The following CDH12 variants were observed in gnomAD, a reference collection of about 807,000 sequenced individuals.
CDH12 encodes the protein cadherin-12.
A neutral mutation model predicts 74.1 loss-of-function variants in CDH12; 41 were observed. The observed-to-expected ratio is 0.55, with a 90% CI of 0.43 to 0.72. The LOEUF (loss-of-function observed/expected upper bound fraction) is 0.72, where lower values mean the gene tolerates loss of function less well. CDH12 is among the 30% of genes least tolerant of loss of function. The pLI is 0.00. For synonymous variants in CDH12, 399 were observed against 355.0 expected (o/e 1.12, Z -1.39); for missense variants, 945 against 977.2 (o/e 0.97, Z 0.44).
intron 3 of CDH12, among the ~76,000 whole-genome samples, chr5:22,257,350 T>C (rs964453913): frequency 2.0e-5 from 3 of 151,842 alleles, no homozygotes; most frequent in Non-Finnish European, 4.4e-5. Context: ...AGTTAAAAAT[T>C]TAAAAAAATT....
At chr5:21,972,475 T>G (rs561138839) in intron 6 of CDH12, among the ~76,000 whole-genome samples, 1 of 152,214 alleles carries the variant, frequency 6.6e-6, no homozygotes, top group Non-Finnish European at 1.5e-5. Context: ...CTCGATTATA[T>G]GAGAGAAAAA....
intron 1 of CDH12, among the ~76,000 whole-genome samples, chr5:22,568,008 A>ACAATTTAG (rs1484387002): frequency 1.3e-5 from 2 of 152,232 alleles, no homozygotes; most frequent in African/African-American, 4.8e-5. Context: ...TACAACACAC[A>ACAATTTAG]CAATTTAGCA....
intron 3 of CDH12, among the ~76,000 whole-genome samples, chr5:22,376,405 A>G (rs1398222461): frequency 6.6e-6 from 1 of 152,170 alleles, no homozygotes; most frequent in Non-Finnish European, 1.5e-5. Flanking sequence ...GAGTGACTGT[A>G]TTTTTCAACA....
chr5:22,186,789 CA>C (rs1434749796), intron 4 of CDH12, among the ~76,000 whole-genome samples: 1 of 151,952 alleles, frequency 6.6e-6, no homozygotes, highest in African/African-American at 2.4e-5. Flanking sequence ...TATATACCTG[CA>C]AAAGACACTT....
At chr5:22,335,808 C>A (rs1302857524) in intron 3 of CDH12, among the ~76,000 whole-genome samples, 1 of 152,002 alleles carries the variant, frequency 6.6e-6, no homozygotes, top group Non-Finnish European at 1.5e-5. Flanking sequence ...AATGGACTAA[C>A]ACAGTAAATT....
intron 6 of CDH12, among the ~76,000 whole-genome samples, chr5:21,965,892 A>G (rs1161654669): frequency 3.3e-5 from 5 of 152,104 alleles, no homozygotes; most frequent in African/African-American, 1.2e-4. Context: ...TTTAGTTTTA[A>G]CTGAAAATAT....
chr5:21,800,207 C>G (rs1225095323), intron 10 of CDH12, among the ~76,000 whole-genome samples: 1 of 152,076 alleles, frequency 6.6e-6, no homozygotes, highest in Non-Finnish European at 1.5e-5. Flanking sequence ...TACCTTTTGT[C>G]TCACATTTGT....
chr5:21,847,165 A>C (rs74848511), intron 7 of CDH12, among the ~76,000 whole-genome samples: 1,985 of 152,098 alleles, frequency 0.013, 39 homozygotes, highest in African/African-American at 0.045. Flanking sequence ...CTGAACTCTG[A>C]TCTTCTTTTC....
intron 3 of CDH12, among the ~76,000 whole-genome samples, chr5:22,379,743 T>G (rs1424948737): frequency 2.0e-5 from 3 of 152,106 alleles, no homozygotes; most frequent in African/African-American, 7.2e-5. Flanking sequence ...ACTGCAACTT[T>G]TTATTTATCT....
intron 2 of CDH12, among the ~76,000 whole-genome samples, chr5:22,494,920 A>G (rs892963167): frequency 2.6e-5 from 4 of 152,194 alleles, no homozygotes; most frequent in African/African-American, 7.2e-5. Context: ...AATATTCCCT[A>G]TCGTTAAGAA....
intron 14 of CDH12, among the ~76,000 whole-genome samples, chr5:21,752,954 A>G (rs1205260461): frequency 6.6e-6 from 1 of 152,234 alleles, no homozygotes; most frequent in Non-Finnish European, 1.5e-5. Context: ...GGTTACCTTC[A>G]TAAAACAATA....
chr5:22,116,243 A>G (rs1426163707), intron 4 of CDH12, among the ~76,000 whole-genome samples: 1 of 152,100 alleles, frequency 6.6e-6, no homozygotes, highest in African/African-American at 2.4e-5. Context: ...AAACATAAAG[A>G]CACTACAGGC....
At chr5:22,059,656 C>T (rs1381972257) in intron 5 of CDH12, among the ~76,000 whole-genome samples, 1 of 151,998 alleles carries the variant, frequency 6.6e-6, no homozygotes, top group Non-Finnish European at 1.5e-5. Flanking sequence ...TTTTAATTAT[C>T]TCATATTATT....
chr5:22,760,695 A>AC (rs1561011774), intron 1 of CDH12, among the ~76,000 whole-genome samples: 1 of 151,080 alleles, frequency 6.6e-6, no homozygotes, highest in Non-Finnish European at 1.5e-5. Context: ...AAAAAAAAAA[A>AC]AAAAACAAAA....
intron 1 of CDH12, among the ~76,000 whole-genome samples, chr5:22,532,865 TAA>T: frequency 1.3e-5 from 2 of 152,110 alleles, no homozygotes; most frequent in South Asian, 2.1e-4. Flanking sequence ...TACTAAATAA[TAA>T]GTCTATCTTC....
intron 1 of CDH12, among the ~76,000 whole-genome samples, chr5:22,663,184 AG>A (rs1740436896): frequency 9.3e-6 from 1 of 107,208 alleles, no homozygotes; most frequent in East Asian, 2.7e-4. Context: ...TTAAACTATG[AG>A]AACCAGTTAA....
chr5:22,095,972 G>A lies in CDH12; in HGVS notation c.-186-17110C>T, dbSNP rs111668441. Among the ~76,000 whole-genome samples the A allele has an allele frequency of 1.4e-3, 204 of 150,754 alleles. 1 individual carries two copies. The highest frequency in any genetic ancestry group is 3.3e-3 in the Admixed American group (50 of 15,152). ...CCACACCCCGACCTCTTATATCTGCGCTCCAACCCCTTATTTCCATGCCCC... is the reference window on the plus strand; with the variant it reads ...CCACACCCCGACCTCTTATATCTGCACTCCAACCCCTTATTTCCATGCCCC... On this transcript the variant is annotated intron_variant, in intron 4 of 14. Transcript: ENST00000382254.
chr5:21,896,579 T>C (rs7725666), intron 6 of CDH12, among the ~76,000 whole-genome samples: 140,616 of 152,204 alleles, frequency 0.92, 65,750 homozygotes, highest in Non-Finnish European at 0.99. Context: ...GACCGAGTGT[T>C]GTGTCCAATG....
At chr5:22,387,231 T>C (rs918762038) in intron 3 of CDH12, among the ~76,000 whole-genome samples, 1 of 151,940 alleles carries the variant, frequency 6.6e-6, no homozygotes, top group Non-Finnish European at 1.5e-5. Flanking sequence ...AGTTACATTT[T>C]TAAAAATTGT....
Sources: allele counts gnomAD v4.1 joint callset (sites outside exome capture counted in the v4.1 genomes callset), GRCh38; gene constraint gnomAD v4.1.1; transcripts MANE v1.5; gene names NCBI Gene and HGNC (gene_info 2026-07-23, HGNC 2026-07-21).